The following NOL4 variants were observed in gnomAD, a reference collection of about 807,000 sequenced individuals.
NOL4 encodes the protein cancer/testis antigen 125.
A neutral mutation model predicts 75.9 loss-of-function variants in NOL4; 17 were observed. The observed-to-expected ratio is 0.22, with a 90% CI of 0.15 to 0.34. The LOEUF (loss-of-function observed/expected upper bound fraction) is 0.34, where lower values mean the gene tolerates loss of function less well. Ranked by LOEUF, NOL4 falls within the 10% of genes least tolerant of loss-of-function variation. The probability of loss-of-function intolerance (pLI) is 1.00; values close to 1 mark genes in which losing one functional copy is unlikely to be tolerated. For synonymous variants in NOL4, 292 were observed against 289.9 expected (o/e 1.01, Z -0.07); for missense variants, 614 against 793.5 (o/e 0.77, Z 2.72).
At chr18:33,947,004 G>C (rs557934846) in intron 8 of NOL4, among the ~76,000 whole-genome samples, 1 of 151,636 alleles carries the variant, frequency 6.6e-6, no homozygotes, top group African/African-American at 2.4e-5. Context: ...TAATATTAAT[G>C]AGCCAATAAT....
intron 5 of NOL4, among the ~76,000 whole-genome samples, chr18:34,045,606 A>T (rs2076329749): frequency 6.6e-6 from 1 of 152,168 alleles, no homozygotes; most frequent in Non-Finnish European, 1.5e-5. Context: ...CTTACATGCA[A>T]CTTTAAGAAA....
At chr18:33,926,323 G>A (rs1301802095) in intron 9 of NOL4, among the ~76,000 whole-genome samples, 1 of 119,908 alleles carries the variant, frequency 8.3e-6, no homozygotes, top group Non-Finnish European at 1.6e-5. Flanking sequence ...TCATGCCACT[G>A]CCCTCCAAAA....
chr18:33,937,163 C>G (rs4799731), intron 9 of NOL4, among the ~76,000 whole-genome samples: 121,338 of 151,932 alleles, frequency 0.8, 48,654 homozygotes, highest in East Asian at 0.97. Flanking sequence ...AACTGCATTG[C>G]GAATGGACTT....
At chr18:34,107,060 G>A (rs1049988694) in intron 2 of NOL4, among the ~76,000 whole-genome samples, 4 of 152,034 alleles carry the variant, frequency 2.6e-5, no homozygotes, top group Admixed American at 2.6e-4. Context: ...TGCTGGAGTT[G>A]GAGAGACACT....
chr18:34,174,888 T>C (rs760944700), intron 1 of NOL4, among the ~76,000 whole-genome samples: 1 of 152,176 alleles, frequency 6.6e-6, no homozygotes, highest in Admixed American at 6.5e-5. Flanking sequence ...TAGTATTCCA[T>C]GGTGTCTATG....
intron 4 of NOL4, among the ~76,000 whole-genome samples, chr18:34,095,620 G>T (rs1034852793): frequency 6.6e-6 from 1 of 152,096 alleles, no homozygotes; most frequent in African/African-American, 2.4e-5. Context: ...CACATGTGGA[G>T]TGAGGGCGTG....
intron 1 of NOL4, among the ~76,000 whole-genome samples, chr18:34,197,664 A>G (rs529697629): frequency 1.6e-4 from 25 of 152,074 alleles, no homozygotes; most frequent in Admixed American, 3.3e-4. Flanking sequence ...GTCACTTGAG[A>G]TGAGACCTGA....
chr18:33,889,991 C>G (rs980636822), intron 9 of NOL4, among the ~76,000 whole-genome samples: 2 of 152,096 alleles, frequency 1.3e-5, no homozygotes, highest in Non-Finnish European at 2.9e-5. Flanking sequence ...CAAGGATGCC[C>G]TCTCTCACCA....
intron 5 of NOL4, among the ~76,000 whole-genome samples, chr18:34,055,031 A>G (rs1431152304): frequency 6.6e-6 from 1 of 150,438 alleles, no homozygotes; most frequent in Non-Finnish European, 1.5e-5. Context: ...ACTACTAACA[A>G]CTTACTCTAC....
chr18:34,109,330 G>A (rs997954719), intron 2 of NOL4, among the ~76,000 whole-genome samples: 1 of 152,050 alleles, frequency 6.6e-6, no homozygotes, highest in Non-Finnish European at 1.5e-5. Flanking sequence ...GGGTAATATA[G>A]TGAGATTCTG....
chr18:33,864,401 C>A (rs1455885936), intron 10 of NOL4, among the ~76,000 whole-genome samples: 1 of 152,136 alleles, frequency 6.6e-6, no homozygotes, highest in Non-Finnish European at 1.5e-5. Context: ...TTCAAAGTTC[C>A]ACAGATCTAG....
intron 9 of NOL4, among the ~76,000 whole-genome samples, chr18:33,896,196 G>A (rs1391469090): frequency 6.6e-6 from 1 of 152,108 alleles, no homozygotes. Context: ...TGAATAGGAA[G>A]AATCAATATC....
chr18:33,949,668 A>C (rs1372388687), intron 8 of NOL4, among the ~76,000 whole-genome samples: 1 of 152,122 alleles, frequency 6.6e-6, no homozygotes, highest in African/African-American at 2.4e-5. Flanking sequence ...CTCTTGACTA[A>C]AAGGAGTTTG....
intron 6 of NOL4, among the ~76,000 whole-genome samples, chr18:33,994,096 T>A (rs1439804310): frequency 6.6e-6 from 1 of 151,698 alleles, no homozygotes; most frequent in Non-Finnish European, 1.5e-5. Flanking sequence ...CAGGAAGATA[T>A]GACAATTATA....
chr18:33,882,193 A>G (rs953554686), intron 10 of NOL4, among the ~76,000 whole-genome samples: 29 of 152,202 alleles, frequency 1.9e-4, no homozygotes, highest in Non-Finnish European at 3.8e-4. Context: ...ACAAAAGCCA[A>G]AGTTGACAAA....
intron 6 of NOL4, among the ~76,000 whole-genome samples, chr18:33,978,320 A>G (rs1363288629): frequency 6.6e-6 from 1 of 152,182 alleles, no homozygotes; most frequent in African/African-American, 2.4e-5. Flanking sequence ...GTAGAGTAGG[A>G]TAGGAAAAAT....
intron 10 of NOL4, among the ~76,000 whole-genome samples, chr18:33,865,411 AT>A (rs956655564): frequency 6.6e-6 from 1 of 151,822 alleles, no homozygotes; most frequent in African/African-American, 2.4e-5. Context: ...GTTACTTTCG[AT>A]TTTTTTCCAG....
intron 1 of NOL4, among the ~76,000 whole-genome samples, chr18:34,197,505 G>A (rs1211212844): frequency 6.6e-6 from 1 of 152,010 alleles, no homozygotes; most frequent in Non-Finnish European, 1.5e-5. Flanking sequence ...CTAACGAATA[G>A]TGGCAGAAAA....
intron 1 of NOL4, among the ~76,000 whole-genome samples, chr18:34,194,815 G>A (rs1207983263): frequency 2.0e-5 from 3 of 151,830 alleles, no homozygotes; most frequent in Admixed American, 6.6e-5. Context: ...ACCTGAGGTC[G>A]GGAATTTGAG....
Sources: allele counts gnomAD v4.1 joint callset (sites outside exome capture counted in the v4.1 genomes callset), GRCh38; gene constraint gnomAD v4.1.1; transcripts MANE v1.5; gene names NCBI Gene and HGNC (gene_info 2026-07-23, HGNC 2026-07-21).